Variants in ROBO1 observed in about 807,000 individuals in gnomAD.
ROBO1 encodes roundabout guidance receptor 1.
A neutral mutation model predicts 195.9 loss-of-function variants in ROBO1; 149 were observed. The observed-to-expected ratio is 0.76, with a 90% CI of 0.67 to 0.87. The LOEUF (loss-of-function observed/expected upper bound fraction) is 0.87, where lower values mean the gene tolerates loss of function less well. Among genes scored for constraint, ROBO1 ranks in the 40% least tolerant of loss-of-function variants. The pLI, the probability that ROBO1 is intolerant of heterozygous loss-of-function variation, is 0.00. For synonymous variants in ROBO1, 816 were observed against 733.2 expected, an observed-to-expected ratio of 1.11 and a Z score of -1.82; for missense variants, 1,933 against 2,068.3, an observed-to-expected ratio of 0.93 and a Z score of 1.27.
At chr3:79,666,168 T>C (rs537156921) in intron 1 of ROBO1, among the ~76,000 whole-genome samples, 4 of 151,994 alleles carry the variant, frequency 2.6e-5, no homozygotes, top group Admixed American at 2.0e-4. Flanking sequence ...TTGAGAATGC[T>C]CTCTGAGAAT....
At chr3:79,280,153 G>C (rs2031395956) in intron 2 of ROBO1, among the ~76,000 whole-genome samples, 2 of 152,124 alleles carry the variant, frequency 1.3e-5, no homozygotes, top group Admixed American at 1.3e-4. Flanking sequence ...ACTAAAGTTA[G>C]ACAGGAAGAA....
chr3:78,909,282 A>C (rs2038106545), intron 4 of ROBO1, among the ~76,000 whole-genome samples: 2 of 151,924 alleles, frequency 1.3e-5, no homozygotes, highest in Non-Finnish European at 2.9e-5. Flanking sequence ...AAATTGTTAC[A>C]AAATAAAAAC....
chr3:79,485,748 C>T (rs979015392), intron 2 of ROBO1, among the ~76,000 whole-genome samples: 3 of 152,188 alleles, frequency 2.0e-5, no homozygotes, highest in Non-Finnish European at 2.9e-5. Context: ...TATTGTCAAC[C>T]GCAGACACAT....
intron 1 of ROBO1, among the ~76,000 whole-genome samples, chr3:79,746,158 G>C (rs983664682): frequency 7.9e-5 from 12 of 151,986 alleles, no homozygotes; most frequent in African/African-American, 2.2e-4. Flanking sequence ...TAGTTCTAGG[G>C]AAAGTTTTCA....
At chr3:78,747,560 C>G (rs1238577679) in intron 4 of ROBO1, among the ~76,000 whole-genome samples, 1 of 152,090 alleles carries the variant, frequency 6.6e-6, no homozygotes, top group Non-Finnish European at 1.5e-5. Context: ...AACAGCATCA[C>G]TTTTATGTTC....
chr3:79,697,128 C>T (rs1263313646), intron 1 of ROBO1, among the ~76,000 whole-genome samples: 1 of 151,254 alleles, frequency 6.6e-6, no homozygotes, highest in East Asian at 1.9e-4. Flanking sequence ...TATGGACTAC[C>T]CAGCCAGTAA....
At chr3:79,488,811 T>C (rs73131045) in intron 2 of ROBO1, among the ~76,000 whole-genome samples, 10,122 of 152,198 alleles carry the variant, frequency 0.067, 410 homozygotes, top group East Asian at 0.15. Context: ...ATGTATTTCT[T>C]AGTGTGGACC....
intron 8 of ROBO1, among the ~76,000 whole-genome samples, chr3:78,704,038 G>A (rs534416316): frequency 1.3e-5 from 2 of 152,138 alleles, no homozygotes; most frequent in South Asian, 2.1e-4. Flanking sequence ...CTCATAATAT[G>A]TGTTTCATCA....
At chr3:78,972,873 G>T (rs997831739) in intron 3 of ROBO1, among the ~76,000 whole-genome samples, 4 of 152,270 alleles carry the variant, frequency 2.6e-5, no homozygotes, top group Admixed American at 2.6e-4. Context: ...TCCTTCCTGG[G>T]ATTTTCCTAC....
intron 2 of ROBO1, among the ~76,000 whole-genome samples, chr3:79,246,234 C>T (rs1354057444): frequency 6.6e-6 from 1 of 152,036 alleles, no homozygotes; most frequent in Non-Finnish European, 1.5e-5. Flanking sequence ...ATTTTGTGAC[C>T]TATGTATACC....
intron 2 of ROBO1, among the ~76,000 whole-genome samples, chr3:79,563,990 A>G (rs1162037696): frequency 1.3e-5 from 2 of 151,900 alleles, no homozygotes; most frequent in Non-Finnish European, 2.9e-5. Context: ...TAAATTTTCA[A>G]ATCAAAGTTA....
At chr3:79,744,314 T>C (rs867821610) in intron 1 of ROBO1, among the ~76,000 whole-genome samples, 25 of 152,182 alleles carry the variant, frequency 1.6e-4, no homozygotes, top group South Asian at 1.5e-3. Flanking sequence ...AATATGTATT[T>C]AGGAGTTAGT....
chr3:78,659,917 GCTTTTT>G, intron 16 of ROBO1, 110 bp from the exon 17 acceptor site: 2 of 542,656 alleles, frequency 3.7e-6, no homozygotes, highest in African/African-American at 3.2e-5. Context: ...ATCAATATAT[GCTTTTT>G]TTTTTTTTTT....
chr3:78,953,318 C>T (rs890873002), intron 3 of ROBO1, among the ~76,000 whole-genome samples: 8 of 151,918 alleles, frequency 5.3e-5, no homozygotes, highest in African/African-American at 1.7e-4. Context: ...TAGTAAAATG[C>T]TCAAGTAACA....
At chr3:79,712,458 GAA>G (rs1313602120) in intron 1 of ROBO1, among the ~76,000 whole-genome samples, 9 of 152,098 alleles carry the variant, frequency 5.9e-5, no homozygotes, top group African/African-American at 2.2e-4. Context: ...CCAATTCTAT[GAA>G]GTCTGAGAGA....
At chr3:79,381,373 A>AAAAAAAAAG in intron 2 of ROBO1, among the ~76,000 whole-genome samples, 1 of 115,426 alleles carries the variant, frequency 8.7e-6, no homozygotes, top group Non-Finnish European at 1.7e-5. Context: ...AAAAAAAAAA[A>AAAAAAAAAG]AAAAGAAAAG....
intron 2 of ROBO1, among the ~76,000 whole-genome samples, chr3:79,470,141 C>T (rs538419695): frequency 6.6e-6 from 1 of 152,224 alleles, no homozygotes; most frequent in East Asian, 1.9e-4. Flanking sequence ...TTCACAATAA[C>T]ACAGACTTGG....
At chr3:79,556,298 G>A (rs1942696879) in intron 2 of ROBO1, among the ~76,000 whole-genome samples, 1 of 151,990 alleles carries the variant, frequency 6.6e-6, no homozygotes, top group African/African-American at 2.4e-5. Context: ...GCTGATTTAA[G>A]AAATGTAATA....
intron 4 of ROBO1, among the ~76,000 whole-genome samples, chr3:78,837,112 T>C (rs2032807320): frequency 6.6e-6 from 1 of 152,186 alleles, no homozygotes; most frequent in African/African-American, 2.4e-5. Flanking sequence ...AATCAATTAA[T>C]AAATGACATA....
Sources: allele counts gnomAD v4.1 joint callset (sites outside exome capture counted in the v4.1 genomes callset), GRCh38; gene constraint gnomAD v4.1.1; transcripts MANE v1.5; gene names NCBI Gene and HGNC (gene_info 2026-07-23, HGNC 2026-07-21).